The following BCO1 variants were observed in gnomAD, a reference collection of about 807,000 sequenced individuals.
BCO1 encodes the protein beta-carotene oxygenase 1.
A neutral mutation model predicts 56.3 loss-of-function variants in BCO1; 54 were observed. The ratio of observed to expected loss-of-function variants is 0.96; its 90% CI spans 0.77 to 1.20. BCO1 has a LOEUF of 1.20. BCO1 is among the 50% of genes most tolerant of loss of function. BCO1 has a pLI of 0.00. For synonymous variants in BCO1, 318 were observed against 266.1 expected (o/e 1.20, Z -1.90); for missense variants, 801 against 690.9 (o/e 1.16, Z -1.79).
intron 8 of BCO1, among the ~76,000 whole-genome samples, chr16:81,283,967 T>A (rs111477574): frequency 0.023 from 3,551 of 151,224 alleles, 144 homozygotes; most frequent in African/African-American, 0.082. Context: ...GGGCGGATCA[T>A]GAGGTCAGGA....
At position 81,245,596 on chromosome 16, in the gene BCO1, C is replaced by T. The variant is rs1482430666; in HGVS notation, c.186C>T (p.Ile62=). ...DGLALLHSFT[I]RDGEVYYRSK... ...TTGCCCTGCTCCACAGCTTCACCATCAGAGACGGTGAGAACACCCACGAGT... is the reference window on the plus strand; with the variant it reads ...TTGCCCTGCTCCACAGCTTCACCATTAGAGACGGTGAGAACACCCACGAGT... The change falls in exon 2 of 11, where the codon ATC becomes ATT. Residue 62 remains isoleucine, a synonymous_variant. Transcript: ENST00000258168. 2.6e-5 allele frequency: 42 copies of T among 1,614,110 alleles called. No homozygotes were observed. Among genetic ancestry groups the T allele is most frequent in the Non-Finnish European group, 3.5e-5 (41 of 1,180,052 alleles).
intron 7 of BCO1, among the ~76,000 whole-genome samples, chr16:81,271,422 C>A (rs187815650): frequency 2.2e-4 from 33 of 152,248 alleles, no homozygotes; most frequent in African/African-American, 7.5e-4. Flanking sequence ...GCCTAATTTG[C>A]CCATTTAAAG....
intron 3 of BCO1, among the ~76,000 whole-genome samples, chr16:81,261,209 C>G (rs998732447): frequency 2.0e-5 from 3 of 152,138 alleles, no homozygotes; most frequent in Non-Finnish European, 4.4e-5. Flanking sequence ...GGTCCTGGAA[C>G]CAAGCCTCCT....
chr16:81,280,611 TAAGAG>T (rs1380866329), intron 7 of BCO1, among the ~76,000 whole-genome samples: 3 of 151,926 alleles, frequency 2.0e-5, no homozygotes, highest in Admixed American at 6.6e-5. Context: ...AGGCTCAGAG[TAAGAG>T]AAAAGAGTCC....
intron 4 of BCO1, 169 bp downstream of exon 4, chr16:81,262,452 G>C (rs1906549023): frequency 2.8e-6 from 2 of 711,532 alleles, no homozygotes; most frequent in South Asian, 3.1e-5. Context: ...TGCTAGGCAG[G>C]GACTGTGTTG....
intron 10 of BCO1, among the ~76,000 whole-genome samples, chr16:81,288,855 C>T (rs1207305603): frequency 6.6e-6 from 1 of 152,308 alleles, no homozygotes; most frequent in African/African-American, 2.4e-5. Flanking sequence ...CCAGCTTCTT[C>T]CCTCAGGTCA....
chr16:81,273,612 A>C (rs866111836), intron 7 of BCO1, among the ~76,000 whole-genome samples: 37 of 149,682 alleles, frequency 2.5e-4, no homozygotes, highest in African/African-American at 7.9e-4. Flanking sequence ...CATATTTTAT[A>C]TCACCTCTAC....
chr16:81,241,177 G>A (rs1905089216), intron 1 of BCO1, among the ~76,000 whole-genome samples: 1 of 151,996 alleles, frequency 6.6e-6, no homozygotes, highest in Non-Finnish European at 1.5e-5. Context: ...AGCCAGGCAT[G>A]GTGGTGCATA....
At chr16:81,240,604 A>G (rs1184356003) in intron 1 of BCO1, among the ~76,000 whole-genome samples, 4 of 151,632 alleles carry the variant, frequency 2.6e-5, no homozygotes, top group African/African-American at 9.7e-5. Flanking sequence ...ACTCAGGAGG[A>G]TGAGGTAGTA....
At chr16:81,277,017 A>T (rs1029543716) in intron 7 of BCO1, among the ~76,000 whole-genome samples, 3 of 147,154 alleles carry the variant, frequency 2.0e-5, no homozygotes, top group Non-Finnish European at 4.5e-5. Flanking sequence ...CAGTGAGCTG[A>T]GATCGTGCCA....
At chr16:81,284,736 C>A (rs1908075976) in intron 8 of BCO1, among the ~76,000 whole-genome samples, 1 of 152,120 alleles carries the variant, frequency 6.6e-6, no homozygotes, top group Admixed American at 6.6e-5. Context: ...CCTCCCATCT[C>A]AGCTTCCCAA....
At chr16:81,245,633 G>A in intron 2 of BCO1, 30 bp downstream of exon 2, 1 of 1,613,910 alleles carries the variant, frequency 6.2e-7, no homozygotes, top group Non-Finnish European at 8.5e-7. Flanking sequence ...TGCTGCCACT[G>A]CTGCAGCAAA....
In BCO1 at chr16:81,270,404, C is replaced by G. The variant is rs1233705268; in HGVS notation, c.1089C>G (p.Leu363=). The G allele has an allele frequency of 6.2e-7, 1 of 1,614,080 alleles. No homozygotes were observed. The change falls in exon 7 of 11, where the codon CTC becomes CTG. Residue 363 remains leucine, a synonymous_variant. Coordinates refer to ENST00000258168, the MANE Select transcript of BCO1 (RefSeq NM_017429.3). ...VPTLRRFAVP[L]HVDKNAEVGT... ...CCCTCAGGAGGTTTGCCGTGCCCCT[C>G]CACGTGGACAAGGTAATGGCTTCCA...
Position 81,238,915 on chromosome 16 carries a change from A to G in BCO1, c.7A>G (p.Ile3Val), listed in dbSNP as rs770370906. 1.6e-5 allele frequency: 26 copies of G among 1,613,970 alleles called. No homozygotes were observed. The East Asian group carries it at 3.3e-4, about 21-fold the overall frequency. ...TCCCTCGGCACCCTGAGCAATGGAT[A>G]TAATATTTGGCAGGAATAGGAAAGA... MDIIFGRNRKEQL... is the reference protein window; with the variant it reads MDVIFGRNRKEQL... The change falls in exon 1 of 11, where the codon ATA becomes GTA. Residue 3 changes from isoleucine to valine, a missense_variant. Physicochemically the swap from Ile to Val is conservative, Grantham distance 29. Transcript: ENST00000258168.
In BCO1 at chr16:81,270,351, GAGA is replaced by G; in HGVS notation, c.1038_1040del (p.Glu346_Asn347delinsAsp). The G allele has an allele frequency of 6.2e-7, 1 of 1,614,088 alleles. No individual in the cohort carries two copies. Among genetic ancestry groups the G allele is most frequent in the Non-Finnish European group, 8.5e-7 (1 of 1,180,020 alleles). On this transcript the variant is annotated inframe_deletion, in exon 7 of 11. Transcript: ENST00000258168. ...GGCCAACCTGAACCAGGACTTCAAG[GAGA>G]ACTCCAGGCTCACCTCGGTCCCCAC...
At chr16:81,249,931 G>T (rs907399783) in intron 2 of BCO1, among the ~76,000 whole-genome samples, 1 of 152,178 alleles carries the variant, frequency 6.6e-6, no homozygotes, top group Non-Finnish European at 1.5e-5. Flanking sequence ...CTAGCATGGG[G>T]CCTGGCCCAG....
At position 81,262,164 on chromosome 16, in the gene BCO1, C is replaced by A. The variant is rs752480679; in HGVS notation, c.352C>A (p.Pro118Thr). The change falls in exon 4 of 11, where the codon CCC becomes ACC. Residue 118 changes from proline to threonine, a missense_variant. Transcript: ENST00000258168. ...KAFSYLSHTIPDFTDNCLINI... is the reference protein window; with the variant it reads ...KAFSYLSHTITDFTDNCLINI... ...TTTCTCCTACTTGTCTCACACCATC[C>A]CCGATTTCACCGACAACTGCCTGAT... 1.2e-6 allele frequency: 2 copies of A among 1,613,968 alleles called. No homozygotes were observed. Among genetic ancestry groups the A allele is most frequent in the Admixed American group, 1.7e-5 (1 of 59,994 alleles).
At chr16:81,267,388 A>C (rs1339029906) in intron 5 of BCO1, among the ~76,000 whole-genome samples, 1 of 152,164 alleles carries the variant, frequency 6.6e-6, no homozygotes, top group South Asian at 2.1e-4. Flanking sequence ...CGAGGCGGGC[A>C]GATCACCTGA....
At chr16:81,256,980 C>T (rs145878297) in intron 2 of BCO1, among the ~76,000 whole-genome samples, 196 of 152,276 alleles carry the variant, frequency 1.3e-3, no homozygotes, top group African/African-American at 4.6e-3. Context: ...CTCCAAATCC[C>T]TCTCTAATGT....
Sources: allele counts gnomAD v4.1 joint callset (sites outside exome capture counted in the v4.1 genomes callset), GRCh38; gene constraint gnomAD v4.1.1; transcripts MANE v1.5; gene names NCBI Gene and HGNC (gene_info 2026-07-23, HGNC 2026-07-21).